Variants in PHIP observed in about 807,000 individuals in gnomAD.
PHIP encodes PH-interacting protein.
A neutral mutation model predicts 236.8 loss-of-function variants in PHIP; 54 were observed. The ratio of observed to expected loss-of-function variants is 0.23; its 90% confidence interval spans 0.18 to 0.29. The LOEUF (loss-of-function observed/expected upper bound fraction) is 0.29. PHIP is among the 10% of genes least tolerant of loss of function. PHIP has a pLI of 1.00. For synonymous variants in PHIP, 756 were observed against 718.9 expected, an observed-to-expected ratio of 1.05 and a Z score of -0.83; for missense variants, 1,370 against 2,190.8, an observed-to-expected ratio of 0.63 and a Z score of 7.48.
chr6:78,967,508 T>C (rs1331438138), intron 27 of PHIP, among the ~76,000 whole-genome samples: 6 of 152,204 alleles, frequency 3.9e-5, no homozygotes, highest in South Asian at 2.1e-4. Flanking sequence ...AAGTCCACCA[T>C]TGAGAGTAAG....
At chr6:79,069,438 C>A (rs1367248461) in intron 4 of PHIP, among the ~76,000 whole-genome samples, 3 of 151,782 alleles carry the variant, frequency 2.0e-5, no homozygotes, top group Non-Finnish European at 2.9e-5. Context: ...TGAGTGTTCC[C>A]AAAATTTATT....
rs547748456 is a variant in PHIP, at chr6:78,996,200, C to A, written c.2201+1214G>T. On this transcript the variant is annotated intron_variant, in intron 19 of 39. Coordinates refer to ENST00000275034, the MANE Select transcript of PHIP (RefSeq NM_017934.7). ...CAGCTTAGCACAGCCCAGCCTTATG[C>A]CATTGTGTGCAATTATACATTTGGC... Among the ~76,000 whole-genome samples, 116 of 152,274 alleles carry A rather than the reference C, an allele frequency of 7.6e-4. 1 individual carries two copies. The South Asian group carries it at 0.023, about 30-fold the overall frequency.
At chr6:79,066,920 G>A (rs1773649904) in intron 4 of PHIP, among the ~76,000 whole-genome samples, 2 of 152,072 alleles carry the variant, frequency 1.3e-5, no homozygotes, top group African/African-American at 4.8e-5. Context: ...GGGGCAGGGG[G>A]ATCTCGTTCT....
At chr6:78,990,782 T>C in intron 20 of PHIP, 86 bp downstream of exon 20, 1 of 685,214 alleles carries the variant, frequency 1.5e-6, no homozygotes, top group South Asian at 2.1e-5. Context: ...CTGTTTATAA[T>C]ACCATGTTAA....
intron 15 of PHIP, among the ~76,000 whole-genome samples, chr6:79,005,903 G>A (rs9448607): frequency 0.52 from 78,113 of 151,590 alleles, 20,420 homozygotes; most frequent in East Asian, 0.69. Context: ...GTAGATCTCT[G>A]AAATAATCTT....
chr6:79,023,480 G>T (rs1771234900), intron 9 of PHIP, among the ~76,000 whole-genome samples: 1 of 151,816 alleles, frequency 6.6e-6, no homozygotes, highest in Non-Finnish European at 1.5e-5. Flanking sequence ...GAATAGGAAA[G>T]AATATTACTT....
intron 34 of PHIP, 21 bp from the exon 35 acceptor site, chr6:78,954,984 TATATTA>T (rs775262668): frequency 6.6e-7 from 1 of 1,505,092 alleles, no homozygotes; most frequent in East Asian, 2.3e-5. Context: ...AGTGTTCAAA[TATATTA>T]ATAAAAGAGC....
At chr6:78,961,650 C>T in intron 31 of PHIP, 40 bp downstream of exon 31, 1 of 1,596,094 alleles carries the variant, frequency 6.3e-7, no homozygotes, top group Non-Finnish European at 8.6e-7. Context: ...GAAAGATCAC[C>T]AGCTTTCCTT....
At chr6:79,018,235 A>C (rs1468605636) in intron 10 of PHIP, among the ~76,000 whole-genome samples, 1 of 151,984 alleles carries the variant, frequency 6.6e-6, no homozygotes, top group Non-Finnish European at 1.5e-5. Flanking sequence ...AAAAATTCAG[A>C]GTATTCTGGA....
chr6:79,007,047 T>A (rs6907674), intron 15 of PHIP, among the ~76,000 whole-genome samples: 2,092 of 152,148 alleles, frequency 0.014, 41 homozygotes, highest in African/African-American at 0.047. Flanking sequence ...TATTTGAAAA[T>A]TCTCATACTG....
Position 79,025,636 on chromosome 6 carries a change from AG to A in PHIP, c.823-18del. On this transcript the variant is annotated intron_variant, in intron 8 of 39. Coordinates refer to ENST00000275034, the MANE Select transcript of PHIP (RefSeq NM_017934.7). ...TGGTGAGAACTGAAAAGACAATCAC[AG>A]AAAAAAAATCTTTACAAGAGTGACA... is the stretch of plus-strand genomic sequence containing the variant. The A allele has an allele frequency of 6.7e-7, 1 of 1,497,946 alleles. No individual in the cohort carries two copies. The highest frequency in any genetic ancestry group is 9.2e-7 in the Non-Finnish European group (1 of 1,084,828). The allele number at this position is 1,497,946 out of a possible 1,614,324, so 92.8% of individuals were successfully genotyped here.
intron 7 of PHIP, among the ~76,000 whole-genome samples, chr6:79,027,725 A>G (rs1582246852): frequency 6.6e-6 from 1 of 152,306 alleles, no homozygotes; most frequent in Non-Finnish European, 1.5e-5. Flanking sequence ...GAAACAGTCT[A>G]CTTTTTCTGA....
At chr6:79,054,779 A>C (rs1275642195) in intron 6 of PHIP, among the ~76,000 whole-genome samples, 1 of 151,940 alleles carries the variant, frequency 6.6e-6, no homozygotes, top group Non-Finnish European at 1.5e-5. Context: ...GCTACAGAAA[A>C]TTCAAACACA....
rs1302602118 is a variant in PHIP at position 78,935,303 on chromosome 6, T to C, written c.*5390A>G. ...AAATTAACACAAAATTACAAATCAC[T>C]CCATGTGCTTAATTTGAAATGTTAT... On this transcript the variant is annotated 3_prime_UTR_variant, in exon 40 of 40. Transcript: ENST00000275034. 1.3e-5 allele frequency among the ~76,000 whole-genome samples: 2 copies of C among 152,136 alleles called. No individual in the cohort carries two copies. The highest frequency in any genetic ancestry group is 2.9e-5 in the Non-Finnish European group (2 of 68,004).
rs1773207607 is a variant in PHIP at position 78,934,840 on chromosome 6, TCCA to T, written c.*5850_*5852del. Among the ~76,000 whole-genome samples, 1 of 152,166 alleles carries T rather than the reference TCCA, an allele frequency of 6.6e-6. No individual in the cohort carries two copies. Among genetic ancestry groups the T allele is most frequent in the South Asian group, 2.1e-4 (1 of 4,822 alleles). ...GAAGGTCAAATTCCCATTTCCCAAC[TCCA>T]GGCCAGTTCATTACACTGTGCTGCC... On this transcript the variant is annotated 3_prime_UTR_variant, in exon 40 of 40. Coordinates refer to ENST00000275034, the MANE Select transcript of PHIP (RefSeq NM_017934.7).
At chr6:79,003,919 A>G in intron 15 of PHIP, 61 bp from the exon 16 acceptor site, 3 of 1,088,078 alleles carry the variant, frequency 2.8e-6, no homozygotes, top group Non-Finnish European at 4.0e-6. Flanking sequence ...ATTGGTCACT[A>G]TTATTACAAT....
Position 79,007,005 on chromosome 6 carries a change from G to A in PHIP, c.1525-3147C>T, listed in dbSNP as rs185869820. Among the ~76,000 whole-genome samples, 118 of 152,044 alleles carry A rather than the reference G, an allele frequency of 7.8e-4. 1 individual carries two copies. The highest frequency in any genetic ancestry group is 2.8e-3 in the African/African-American group (116 of 41,536). ...TTTTATTTTTAAAAGGAGGAGATGG[G>A]AGGATCAGATGTGTTAAAATAATGA... is the stretch of plus-strand genomic sequence containing the variant. On this transcript the variant is annotated intron_variant, in intron 15 of 39. Coordinates refer to ENST00000275034, the MANE Select transcript of PHIP (RefSeq NM_017934.7).
At chr6:78,971,071 C>T (rs1194591976) in intron 24 of PHIP, among the ~76,000 whole-genome samples, 183 bp from the exon 25 acceptor site, 1 of 152,088 alleles carries the variant, frequency 6.6e-6, no homozygotes, top group Non-Finnish European at 1.5e-5. Flanking sequence ...CCAAAGTGTT[C>T]TAAATAACAT....
At chr6:78,961,388 A>AAT (rs2127697651) in intron 31 of PHIP, among the ~76,000 whole-genome samples, 1 of 152,248 alleles carries the variant, frequency 6.6e-6, no homozygotes, top group South Asian at 2.1e-4. Flanking sequence ...TATAAAATAC[A>AAT]ATATAAAGAC....
Sources: gnomAD v4.1 joint callset for allele counts (sites outside exome capture counted in the v4.1 genomes callset) on GRCh38, gnomAD v4.1.1 for gene constraint, MANE v1.5 for transcripts, NCBI Gene and HGNC (gene_info 2026-07-23, HGNC 2026-07-21) for gene names.